CNTNAP2: variants seen among roughly 807,000 people sequenced by gnomAD.
CNTNAP2 encodes the protein contactin associated protein 2, also known as contactin-associated protein-like 2.
Under a neutral mutation model 155.2 loss-of-function variants are expected in CNTNAP2, and 98 were observed. The ratio of observed to expected loss-of-function variants is 0.63; its 90% CI spans 0.54 to 0.75. CNTNAP2 has a LOEUF of 0.75. CNTNAP2 is among the 30% of genes least tolerant of loss of function. The probability of loss-of-function intolerance (pLI) is 0.00; values close to 1 mark genes in which losing one functional copy is unlikely to be tolerated. For synonymous variants in CNTNAP2, 651 were observed against 631.2 expected, an observed-to-expected ratio of 1.03 and a Z score of -0.47; for missense variants, 1,727 against 1,688.1, an observed-to-expected ratio of 1.02 and a Z score of -0.40.
chr7:147,636,320 A>C (rs966048194), intron 12 of CNTNAP2, among the ~76,000 whole-genome samples: 1 of 152,220 alleles, frequency 6.6e-6, no homozygotes. Flanking sequence ...AGATGAAGTC[A>C]CTTGTCTAGA....
At chr7:147,304,595 C>T (rs1461047154) in intron 9 of CNTNAP2, among the ~76,000 whole-genome samples, 2 of 152,056 alleles carry the variant, frequency 1.3e-5, no homozygotes, top group Non-Finnish European at 2.9e-5. Flanking sequence ...AAGAGGAGTT[C>T]TAAAGAACTC....
At chr7:148,382,678 G>A (rs933303235) in intron 21 of CNTNAP2, among the ~76,000 whole-genome samples, 1 of 152,194 alleles carries the variant, frequency 6.6e-6, no homozygotes, top group Non-Finnish European at 1.5e-5. Flanking sequence ...TGTGAGCCCA[G>A]GGAGTCGGCA....
In CNTNAP2 at chr7:147,616,125, A is replaced by G. The variant is rs974307336; in HGVS notation, c.1898-22981A>G. On this transcript the variant is annotated intron_variant, in intron 12 of 23. Coordinates refer to ENST00000361727, the MANE Select transcript of CNTNAP2 (RefSeq NM_014141.6). Reference sequence around the variant, plus strand: ...CAGATCTTTCTGGCTGTATCTTTACATGATAGATTTAAAGTCTATTTTAAA... The same window carrying G: ...CAGATCTTTCTGGCTGTATCTTTACGTGATAGATTTAAAGTCTATTTTAAA... Among the ~76,000 whole-genome samples the G allele has an allele frequency of 6.6e-5, 10 of 152,242 alleles. 1 individual carries two copies. Among genetic ancestry groups the G allele is most frequent in the African/African-American group, 2.2e-4 (9 of 41,524 alleles).
At chr7:148,305,932 C>T (rs183860083) in intron 21 of CNTNAP2, among the ~76,000 whole-genome samples, 2 of 152,288 alleles carry the variant, frequency 1.3e-5, no homozygotes, top group South Asian at 2.1e-4. Context: ...CCCTCCTACC[C>T]GGCTTCCATG....
intron 2 of CNTNAP2, among the ~76,000 whole-genome samples, chr7:146,783,723 A>G (rs974198726): frequency 6.6e-6 from 1 of 152,230 alleles, no homozygotes; most frequent in African/African-American, 2.4e-5. Flanking sequence ...CCATAGAGCA[A>G]TGCGTCCCAA....
intron 9 of CNTNAP2, among the ~76,000 whole-genome samples, chr7:147,325,602 CT>C (rs989180539): frequency 6.6e-6 from 1 of 152,040 alleles, no homozygotes; most frequent in Admixed American, 6.6e-5. Context: ...TTTGGCTTTT[CT>C]TTTTAGCCAG....
intron 1 of CNTNAP2, among the ~76,000 whole-genome samples, chr7:146,711,426 T>G (rs1235668596): frequency 1.4e-5 from 2 of 147,634 alleles, no homozygotes; most frequent in Non-Finnish European, 3.0e-5. Flanking sequence ...ATATATAATA[T>G]ATACTATATA....
chr7:147,087,064 G>A (rs148897295), intron 4 of CNTNAP2, among the ~76,000 whole-genome samples: 191 of 152,274 alleles, frequency 1.3e-3, no homozygotes, highest in African/African-American at 4.4e-3. Flanking sequence ...AGTGTGTCTG[G>A]TTATTATCTA....
chr7:146,711,833 A>G (rs1305383085), intron 1 of CNTNAP2, among the ~76,000 whole-genome samples: 4 of 116,032 alleles, frequency 3.4e-5, no homozygotes, highest in Non-Finnish European at 5.0e-5. Context: ...TAGTATACAC[A>G]TCTTATGTAT....
At chr7:148,357,286 T>C (rs150706140) in intron 21 of CNTNAP2, among the ~76,000 whole-genome samples, 14 of 152,260 alleles carry the variant, frequency 9.2e-5, no homozygotes, top group African/African-American at 3.1e-4. Flanking sequence ...TGTGATTTTG[T>C]TCCTCCTTTG....
intron 15 of CNTNAP2, 161 bp downstream of exon 15, chr7:147,978,150 T>C (rs1280609369): frequency 3.0e-6 from 3 of 988,698 alleles, no homozygotes; most frequent in African/African-American, 1.6e-5. Flanking sequence ...GGAACAGCCA[T>C]AAAGCCTCCA....
chr7:147,507,728 A>G (rs926754596), intron 11 of CNTNAP2, among the ~76,000 whole-genome samples: 2 of 150,748 alleles, frequency 1.3e-5, no homozygotes, highest in Non-Finnish European at 3.0e-5. Context: ...AATTTTTTGT[A>G]TTTTTTAGTA....
At chr7:147,815,943 C>A (rs934340795) in intron 13 of CNTNAP2, among the ~76,000 whole-genome samples, 4 of 152,174 alleles carry the variant, frequency 2.6e-5, no homozygotes, top group South Asian at 2.1e-4. Context: ...TCCAAAGATA[C>A]ACCCCAGATA....
At chr7:146,880,781 T>G (rs934540122) in intron 3 of CNTNAP2, among the ~76,000 whole-genome samples, 1 of 152,174 alleles carries the variant, frequency 6.6e-6, no homozygotes, top group Non-Finnish European at 1.5e-5. Context: ...AAACTCAAAC[T>G]TACAGAGGGC....
intron 9 of CNTNAP2, among the ~76,000 whole-genome samples, chr7:147,347,790 G>T (rs1795903056): frequency 6.6e-6 from 1 of 151,966 alleles, no homozygotes; most frequent in African/African-American, 2.4e-5. Context: ...ATACCACAAA[G>T]CTTTAGTAAC....
rs1800378260 is a variant in CNTNAP2 at position 147,925,331 on chromosome 7, C to CAG, written c.2255+21611_2255+21612dup. 3.5e-5 allele frequency among the ~76,000 whole-genome samples: 5 copies of CAG among 143,886 alleles called. No homozygotes were observed. The South Asian group carries it at 1.1e-3, about 32-fold the overall frequency. 94.4% of individuals were successfully genotyped at this position (143,886 alleles called of 152,430 possible). ...ACACACACACACACACACACACACA[C>CAG]AGCTTTCCCCCATGATCATTCAACA... On this transcript the variant is annotated intron_variant, in intron 14 of 23. Transcript: ENST00000361727.
chr7:147,562,266 G>A lies in CNTNAP2; in HGVS notation c.1897+9G>A. ...TTACTGCAACATGACAGGTAACTGT[G>A]TCATATTTATGTTTTATGAAGATGC... On this transcript the variant is annotated intron_variant, in intron 12 of 23. Transcript: ENST00000361727. 1 of 1,613,684 alleles carries A rather than the reference G, an allele frequency of 6.2e-7. No individual in the cohort carries two copies. The highest frequency in any genetic ancestry group is 8.5e-7 in the Non-Finnish European group (1 of 1,179,820).
At chr7:147,217,430 G>C (rs549655949) in intron 8 of CNTNAP2, among the ~76,000 whole-genome samples, 49 of 151,842 alleles carry the variant, frequency 3.2e-4, no homozygotes, top group African/African-American at 1.1e-3. Flanking sequence ...TTTAAATTTA[G>C]TTTGTTGATG....
intron 1 of CNTNAP2, among the ~76,000 whole-genome samples, chr7:146,415,556 TAGCA>T (rs1795926740): frequency 1.3e-5 from 2 of 152,176 alleles, no homozygotes; most frequent in African/African-American, 4.8e-5. Context: ...TTTTAACTGT[TAGCA>T]TAATGCAACT....
Sources: allele counts gnomAD v4.1 joint callset (sites outside exome capture counted in the v4.1 genomes callset), GRCh38; gene constraint gnomAD v4.1.1; transcripts MANE v1.5; gene names NCBI Gene and HGNC (gene_info 2026-07-23, HGNC 2026-07-21).